The following GDA variants were observed in gnomAD, a reference collection of about 807,000 sequenced individuals.
GDA encodes the protein cytoplasmic PSD-95 interactor.
In GDA, 18 loss-of-function variants were observed where a neutral mutation model predicts 59.6. The observed-to-expected ratio is 0.30, with a 90% CI of 0.21 to 0.45. The LOEUF is 0.45. Among genes scored for constraint, GDA ranks in the 20% least tolerant of loss-of-function variants. The pLI, the probability that GDA is intolerant of heterozygous loss-of-function variation, is 1.00. For missense variants in GDA, 427 were observed against 552.3 expected (o/e 0.77, Z 2.27); for synonymous variants, 201 against 201.1 (o/e 1.00, Z 0.00).
chr9:72,218,326 T>G (rs986618235), intron 5 of GDA, among the ~76,000 whole-genome samples: 25 of 152,206 alleles, frequency 1.6e-4, no homozygotes, highest in African/African-American at 6.0e-4. Context: ...AGTTCAGCTT[T>G]TTTTCTGTTC....
intron 1 of GDA, among the ~76,000 whole-genome samples, chr9:72,140,280 G>A (rs984160237): frequency 6.6e-6 from 1 of 152,172 alleles, no homozygotes; most frequent in Non-Finnish European, 1.5e-5. Flanking sequence ...ACCTGAATTT[G>A]AGAGTATAAA....
At chr9:72,252,989 T>G (rs979195857), downstream of GDA, among the ~76,000 whole-genome samples, 3 of 152,142 alleles carry the variant, frequency 2.0e-5, no homozygotes, top group Non-Finnish European at 4.4e-5. Flanking sequence ...TAGAAATAAT[T>G]TTATAAATAT....
At chr9:72,230,386 C>G (rs1469866533) in intron 9 of GDA, among the ~76,000 whole-genome samples, 2 of 151,660 alleles carry the variant, frequency 1.3e-5, no homozygotes, top group Admixed American at 6.6e-5. Flanking sequence ...ACTCGGGAGG[C>G]TGATGTAGGA....
At position 72,248,231 on chromosome 9, in the gene GDA, A is replaced by G. The variant is rs573977724; in HGVS notation, c.1295-41A>G. 69 of 1,368,462 alleles carry G rather than the reference A, an allele frequency of 5.0e-5. No individual in the cohort carries two copies. The South Asian group carries it at 7.9e-4, about 16-fold the overall frequency. 84.8% of individuals were successfully genotyped at this position (1,368,462 alleles called of 1,614,324 possible). On this transcript the variant is annotated intron_variant, in intron 13 of 13. Transcript: ENST00000358399. ...AATGGCAAGGAAGATACTTATTGAC[A>G]CAAAAGGATTTTATACATGATTCCT...
intron 1 of GDA, among the ~76,000 whole-genome samples, chr9:72,116,787 T>A (rs138992749): frequency 0.038 from 5,775 of 152,096 alleles, 137 homozygotes; most frequent in Middle Eastern, 0.099. Context: ...TTATTTATTT[T>A]TATTATACTT....
upstream of GDA, among the ~76,000 whole-genome samples, chr9:72,147,355 G>A (rs901239511): frequency 6.6e-6 from 1 of 152,072 alleles, no homozygotes; most frequent in South Asian, 2.1e-4. Context: ...CTACAGGCAC[G>A]CATCACCACA....
intron 3 of GDA, among the ~76,000 whole-genome samples, chr9:72,206,045 C>T (rs962939297): frequency 5.9e-5 from 9 of 152,032 alleles, no homozygotes; most frequent in South Asian, 4.2e-4. Flanking sequence ...ATTACATATC[C>T]GTTTTAATTT....
intron 1 of GDA, among the ~76,000 whole-genome samples, chr9:72,142,872 G>A (rs1033611852): frequency 2.6e-5 from 4 of 151,410 alleles, no homozygotes; most frequent in East Asian, 2.0e-4. Context: ...GGGTTCAAGC[G>A]ATTCTCCTGC....
At chr9:72,145,309 C>CAATT (rs1303922456), upstream of GDA, among the ~76,000 whole-genome samples, 1 of 152,152 alleles carries the variant, frequency 6.6e-6, no homozygotes, top group African/African-American at 2.4e-5. Context: ...ACTGAATGAA[C>CAATT]AATTCCTGGG....
intron 2 of GDA, among the ~76,000 whole-genome samples, chr9:72,197,758 A>G (rs1429523401): frequency 6.6e-6 from 1 of 152,224 alleles, no homozygotes; most frequent in African/African-American, 2.4e-5. Context: ...TATATCAAGC[A>G]CACAAGTTAT....
chr9:72,191,654 C>G (rs1182205672), intron 1 of GDA, among the ~76,000 whole-genome samples: 2 of 151,966 alleles, frequency 1.3e-5, no homozygotes, highest in African/African-American at 4.8e-5. Flanking sequence ...GGCGCAATCT[C>G]GGCTCACTGC....
At chr9:72,219,626 A>G (rs1836603120) in intron 6 of GDA, 120 bp downstream of exon 6, 2 of 633,866 alleles carry the variant, frequency 3.2e-6, no homozygotes, top group Non-Finnish European at 5.4e-6. Context: ...ATGTAGAAGT[A>G]TTTACCTAGA....
intron 1 of GDA, among the ~76,000 whole-genome samples, chr9:72,182,460 C>T (rs1215461411): frequency 2.0e-5 from 3 of 152,144 alleles, no homozygotes; most frequent in African/African-American, 4.8e-5. Flanking sequence ...TCAGGTCGTG[C>T]ATTTTTGGCA....
chr9:72,216,302 T>C (rs1836101585), intron 5 of GDA, among the ~76,000 whole-genome samples: 1 of 152,178 alleles, frequency 6.6e-6, no homozygotes, highest in Non-Finnish European at 1.5e-5. Flanking sequence ...TTTCTCCATA[T>C]CTCAGGGTGG....
intron 2 of GDA, 130 bp from the exon 3 acceptor site, chr9:72,202,441 G>A: frequency 1.7e-6 from 1 of 605,928 alleles, no homozygotes; most frequent in South Asian, 2.1e-5. Flanking sequence ...ATTTACAGTT[G>A]TCTGATTGCA....
intron 1 of GDA, among the ~76,000 whole-genome samples, chr9:72,117,004 C>T (rs968883767): frequency 6.6e-6 from 1 of 150,646 alleles, no homozygotes; most frequent in African/African-American, 2.4e-5. Flanking sequence ...CAATTTCCCA[C>T]CTATGAGTGA....
chr9:72,148,793 T>C (rs544867964), upstream of GDA, among the ~76,000 whole-genome samples: 5 of 152,266 alleles, frequency 3.3e-5, no homozygotes, highest in Admixed American at 2.0e-4. Context: ...CATGGTACCA[T>C]TGCTGCCTAT....
At chr9:72,208,951 T>C (rs1168681722) in intron 3 of GDA, among the ~76,000 whole-genome samples, 1 of 152,150 alleles carries the variant, frequency 6.6e-6, no homozygotes, top group African/African-American at 2.4e-5. Flanking sequence ...TTTTCTATTT[T>C]CTAAGTACTT....
chr9:72,235,356 A>G (rs775916242), intron 10 of GDA, among the ~76,000 whole-genome samples: 3 of 152,172 alleles, frequency 2.0e-5, no homozygotes, highest in Admixed American at 6.5e-5. Context: ...TGTCTTCAGT[A>G]TTTTATCACA....
Sources: allele counts gnomAD v4.1 joint callset (sites outside exome capture counted in the v4.1 genomes callset), GRCh38; gene constraint gnomAD v4.1.1; transcripts MANE v1.5; gene names NCBI Gene and HGNC (gene_info 2026-07-23, HGNC 2026-07-21).